The following ADAMTS2 variants were observed in gnomAD, a reference collection of about 807,000 sequenced individuals.
The protein encoded by ADAMTS2 is ADAM metallopeptidase with thrombospondin type 1 motif 2.
ADAMTS2 carries 50 observed loss-of-function variants against 123.0 expected under a neutral mutation model. The observed-to-expected ratio is 0.41, with a 90% CI of 0.32 to 0.51. ADAMTS2 has a LOEUF of 0.51. ADAMTS2 is among the 20% of genes least tolerant of loss of function. The pLI is 0.35. For synonymous variants in ADAMTS2, 678 were observed against 695.4 expected (o/e 0.98, Z 0.39); for missense variants, 1,494 against 1,705.2 (o/e 0.88, Z 2.18).
At chr5:179,224,607 A>G (rs1185405960) in intron 3 of ADAMTS2, among the ~76,000 whole-genome samples, 1 of 152,224 alleles carries the variant, frequency 6.6e-6, no homozygotes, top group Admixed American at 6.5e-5. Context: ...GGGGGATGAG[A>G]GGGCACACTG....
intron 2 of ADAMTS2, among the ~76,000 whole-genome samples, chr5:179,320,397 T>G (rs948819364): frequency 6.6e-6 from 1 of 151,992 alleles, no homozygotes; most frequent in Admixed American, 6.6e-5. Flanking sequence ...GAGCTCCACC[T>G]CCTGGGTTCA....
At position 179,272,541 on chromosome 5, in the gene ADAMTS2, G is replaced by T. The variant is rs888476518; in HGVS notation, c.688+370C>A. On this transcript the variant is annotated intron_variant, in intron 3 of 21. Coordinates refer to ENST00000251582, the MANE Select transcript of ADAMTS2 (RefSeq NM_014244.5). The surrounding 1 kb of genome is among the most constrained non-coding windows in gnomAD (Gnocchi z 5.8). ...TCTTCACAGGCACAGACTCAGAGAC[G>T]CAGGCACTGGACTCAGGCCTGGCCG... 3.9e-5 allele frequency among the ~76,000 whole-genome samples: 6 copies of T among 152,158 alleles called. No individual in the cohort carries two copies. Among genetic ancestry groups the T allele is most frequent in the African/African-American group, 1.4e-4 (6 of 41,444 alleles).
intron 10 of ADAMTS2, among the ~76,000 whole-genome samples, chr5:179,147,483 A>G (rs866449148): frequency 3.3e-5 from 5 of 152,208 alleles, no homozygotes; most frequent in South Asian, 4.1e-4. Flanking sequence ...CTCCATCTAT[A>G]AAACAAACCT....
chr5:179,319,776 A>G (rs1479475285), intron 2 of ADAMTS2, among the ~76,000 whole-genome samples: 1 of 152,156 alleles, frequency 6.6e-6, no homozygotes, highest in Admixed American at 6.5e-5. Flanking sequence ...AACCACAGGA[A>G]GCATGCGTGC....
chr5:179,319,188 C>A, intron 2 of ADAMTS2, among the ~76,000 whole-genome samples: 1 of 151,044 alleles, frequency 6.6e-6, no homozygotes, highest in East Asian at 1.9e-4. Context: ...AGGCACCATG[C>A]AGACGCATGC....
At chr5:179,151,618 A>G (rs1763357041) in intron 10 of ADAMTS2, among the ~76,000 whole-genome samples, 1 of 152,134 alleles carries the variant, frequency 6.6e-6, no homozygotes, top group Non-Finnish European at 1.5e-5. Flanking sequence ...ACAAATGAGA[A>G]TCAGGTCTGG....
intron 2 of ADAMTS2, among the ~76,000 whole-genome samples, chr5:179,316,892 G>A (rs1439004308): frequency 1.3e-5 from 2 of 152,158 alleles, no homozygotes; most frequent in African/African-American, 4.8e-5. Context: ...AGGGAGCTAC[G>A]ATTGCACCAC....
At chr5:179,249,228 C>G (rs951533391) in intron 3 of ADAMTS2, among the ~76,000 whole-genome samples, 3 of 151,322 alleles carry the variant, frequency 2.0e-5, no homozygotes, top group African/African-American at 7.3e-5. Flanking sequence ...CACAACATAC[C>G]CAAAACTTAA....
At chr5:179,146,080 CCT>C (rs1489657978) in intron 10 of ADAMTS2, among the ~76,000 whole-genome samples, 2 of 152,152 alleles carry the variant, frequency 1.3e-5, no homozygotes, top group African/African-American at 2.4e-5. Flanking sequence ...GTCTCAAACT[CCT>C]GACCTCAGGT....
Position 179,158,539 on chromosome 5 carries a change from C to A in ADAMTS2, c.1132+184G>T, listed in dbSNP as rs966435532. Among the ~76,000 whole-genome samples, 1 of 152,194 alleles carries A rather than the reference C, an allele frequency of 6.6e-6. No homozygotes were observed. Among genetic ancestry groups the A allele is most frequent in the Admixed American group, 6.5e-5 (1 of 15,282 alleles). ...TAGGTCCAATTCAGGACACTGGATT[C>A]TCTTCTAATGATGTATTTGTCCATC... On this transcript the variant is annotated intron_variant, in intron 6 of 21. Transcript: ENST00000251582. The surrounding 1 kb of genome is among the most constrained non-coding windows in gnomAD (Gnocchi z 5.0).
intron 2 of ADAMTS2, among the ~76,000 whole-genome samples, chr5:179,318,482 G>A (rs967024986): frequency 6.6e-6 from 1 of 152,152 alleles, no homozygotes; most frequent in Admixed American, 6.5e-5. Flanking sequence ...AGGGCCCACT[G>A]CAAAGTGGGA....
At chr5:179,240,703 C>T (rs1183531156) in intron 3 of ADAMTS2, among the ~76,000 whole-genome samples, 1 of 152,216 alleles carries the variant, frequency 6.6e-6, no homozygotes, top group African/African-American at 2.4e-5. Flanking sequence ...AATGAGTTCC[C>T]GTGACGCGTG....
At chr5:179,270,744 G>A (rs1027418116) in intron 3 of ADAMTS2, among the ~76,000 whole-genome samples, 1 of 152,224 alleles carries the variant, frequency 6.6e-6, no homozygotes, top group Admixed American at 6.5e-5. Context: ...TCCAGTCAGT[G>A]TGTCGATCTC....
chr5:179,217,675 C>CA (rs1319015185), intron 3 of ADAMTS2, among the ~76,000 whole-genome samples: 1 of 110,156 alleles, frequency 9.1e-6, no homozygotes, highest in African/African-American at 3.2e-5. Flanking sequence ...TTAGCTGCCC[C>CA]ATCCCCTGTG....
intron 2 of ADAMTS2, among the ~76,000 whole-genome samples, chr5:179,338,897 T>TG (rs1328870138): frequency 3.3e-5 from 5 of 150,934 alleles, no homozygotes; most frequent in African/African-American, 1.2e-4. Flanking sequence ...GAATTGGAGC[T>TG]GGCTAGGGGA....
chr5:179,294,689 G>A (rs1357659215), intron 2 of ADAMTS2, among the ~76,000 whole-genome samples: 1 of 152,348 alleles, frequency 6.6e-6, no homozygotes, highest in Non-Finnish European at 1.5e-5. Context: ...CCCCTGCCCC[G>A]TGTGCCCAGC....
At chr5:179,319,445 C>T (rs1015346724) in intron 2 of ADAMTS2, among the ~76,000 whole-genome samples, 52 of 152,126 alleles carry the variant, frequency 3.4e-4, no homozygotes, top group Non-Finnish European at 5.6e-4. Context: ...TGCACACGCC[C>T]ACACATGTGC....
At chr5:179,295,636 CGGGTG>C in intron 2 of ADAMTS2, among the ~76,000 whole-genome samples, 1 of 152,200 alleles carries the variant, frequency 6.6e-6, no homozygotes. Flanking sequence ...CTGAAGCACA[CGGGTG>C]AGCCAGTTCC....
Position 179,114,171 on chromosome 5 carries a change from C to T in ADAMTS2, c.3332G>A (p.Gly1111Glu). 1.2e-6 allele frequency: 2 copies of T among 1,612,262 alleles called. No homozygotes were observed. Among genetic ancestry groups the T allele is most frequent in the Non-Finnish European group, 1.7e-6 (2 of 1,178,496 alleles). The change falls in exon 22 of 22, where the codon GGG (glycine) becomes GAG (glutamate). Residue 1111 changes from glycine (G) to glutamate (E), a missense_variant. Physicochemically the swap from Gly to Glu is moderately conservative, Grantham distance 98. This residue lies in a region of ADAMTS2 where 953 missense variants were observed against 1,124.7 expected (regional missense o/e 0.85). Coordinates refer to ENST00000251582, the MANE Select transcript of ADAMTS2 (RefSeq NM_014244.5). ...GAACACGTCAATGTCGTTGTGCTTC[C>T]CAGGCGGTGGCTCTATCCTGCCCTC... ...NVEGRIEPPPGKHNDIDVFMP... is the reference protein window; with the variant it reads ...NVEGRIEPPPEKHNDIDVFMP...
Sources: gnomAD v4.1 joint callset for allele counts (sites outside exome capture counted in the v4.1 genomes callset) on GRCh38, gnomAD v4.1.1 for gene constraint, gnomAD v4.1.1 regional missense constraint, Gnocchi (gnomAD v3.1) non-coding constraint, MANE v1.5 for transcripts, NCBI Gene and HGNC (gene_info 2026-07-23, HGNC 2026-07-21) for gene names.